Variants in YME1L1 observed in about 807,000 individuals in gnomAD.
The protein encoded by YME1L1 is ATP-dependent zinc metalloprotease YME1L1.
YME1L1 carries 39 observed loss-of-function variants against 90.4 expected under a neutral mutation model. That is an observed-to-expected ratio of 0.43 (90% CI 0.33 to 0.56). The LOEUF (loss-of-function observed/expected upper bound fraction) is 0.56. Among genes scored for constraint, YME1L1 ranks in the 20% least tolerant of loss-of-function variants. The pLI is 0.03. For missense variants in YME1L1, 617 were observed against 868.4 expected, an observed-to-expected ratio of 0.71 and a Z score of 3.64; for synonymous variants, 284 against 287.3, an observed-to-expected ratio of 0.99 and a Z score of 0.12.
chr10:27,131,832 G>C, intron 8 of YME1L1, 27 bp downstream of exon 8: 7 of 1,569,116 alleles, frequency 4.5e-6, no homozygotes, highest in Non-Finnish European at 6.1e-6. Context: ...GATGTATGAA[G>C]AAGGCAAGGC....
chr10:27,116,154 A>C, intron 16 of YME1L1, 21 bp from the exon 17 acceptor site: 1 of 1,613,546 alleles, frequency 6.2e-7, no homozygotes, highest in Non-Finnish European at 8.5e-7. Flanking sequence ...ATAAAAACAT[A>C]CCATTTTAAA....
chr10:27,153,485 A>C (rs1429793337), intron 1 of YME1L1, among the ~76,000 whole-genome samples: 2 of 152,236 alleles, frequency 1.3e-5, no homozygotes, highest in African/African-American at 2.4e-5. Flanking sequence ...CATCAAAAAA[A>C]GAGACTGGAA....
At chr10:27,152,051 G>A (rs1281385420) in intron 1 of YME1L1, among the ~76,000 whole-genome samples, 1 of 151,852 alleles carries the variant, frequency 6.6e-6, no homozygotes, top group Non-Finnish European at 1.5e-5. Flanking sequence ...TTTGTTTTAA[G>A]GCTAGTCAAG....
chr10:27,146,654 G>A (rs920495072), intron 2 of YME1L1: 3 of 152,204 alleles, frequency 2.0e-5, no homozygotes, highest in African/African-American at 7.2e-5. Context: ...AGGAGCTGGA[G>A]GTTGCAGTGA....
At chr10:27,116,615 G>A (rs891609450) in intron 15 of YME1L1, among the ~76,000 whole-genome samples, 1 of 152,124 alleles carries the variant, frequency 6.6e-6, no homozygotes, top group African/African-American at 2.4e-5. Flanking sequence ...GCAGTGAGCT[G>A]AGATCATGCC....
intron 9 of YME1L1, among the ~76,000 whole-genome samples, chr10:27,125,965 C>A (rs919248031): frequency 3.3e-5 from 5 of 152,100 alleles, no homozygotes; most frequent in African/African-American, 4.8e-5. Flanking sequence ...GCGTGAGCCA[C>A]CACACCCAGT....
At chr10:27,142,354 T>C in intron 4 of YME1L1, 33 bp downstream of exon 4, 1 of 1,244,822 alleles carries the variant, frequency 8.0e-7, no homozygotes, top group Non-Finnish European at 1.1e-6. Flanking sequence ...ATAAATATTT[T>C]TTTTTCCACA....
chr10:27,111,660 C>G lies in YME1L1; in HGVS notation c.*317G>C, dbSNP rs1170550209. 1 of 399,948 alleles carries G rather than the reference C, an allele frequency of 2.5e-6. No homozygotes were observed. Among genetic ancestry groups the G allele is most frequent in the African/African-American group, 2.1e-5 (1 of 48,728 alleles). 24.8% of individuals were successfully genotyped at this position (399,948 alleles called of 1,614,324 possible). ...GCTAAAGGCACAATTTTTATCAAAT[C>G]TAGTAGAGTAACCAAACATAAAATC... On this transcript the variant is annotated 3_prime_UTR_variant, in exon 19 of 19. Coordinates refer to ENST00000376016, the MANE Select transcript of YME1L1 (RefSeq NM_014263.4).
chr10:27,142,233 T>A (rs1433935290), intron 4 of YME1L1, among the ~76,000 whole-genome samples, 154 bp downstream of exon 4: 1 of 152,182 alleles, frequency 6.6e-6, no homozygotes, highest in Non-Finnish European at 1.5e-5. Flanking sequence ...AGATTAAAAA[T>A]TATACAGAAG....
Position 27,145,524 on chromosome 10 carries a change from C to G in YME1L1, c.235G>C (p.Glu79Gln). Residue 79 changes from glutamate to glutamine, a missense_variant, in exon 3 of 19, where the codon GAA (glutamate) becomes CAA (glutamine). Glu to Gln is a conservative substitution (Grantham distance 29, BLOSUM62 2). Transcript: ENST00000376016. ...LKIGQIDQLV[E>Q]NLLPGFCKGK... is the part of the protein sequence containing the mutation. ...TTACAAAATCCAGGAAGTAGATTTT[C>G]TACCAGCTGATCAATCTGTCCAATT... 1 of 1,613,586 alleles carries G rather than the reference C, an allele frequency of 6.2e-7. No individual in the cohort carries two copies. The highest frequency in any genetic ancestry group is 8.5e-7 in the Non-Finnish European group (1 of 1,179,672).
intron 7 of YME1L1, among the ~76,000 whole-genome samples, chr10:27,132,602 G>A (rs549458662): frequency 5.9e-5 from 9 of 151,722 alleles, no homozygotes; most frequent in Non-Finnish European, 1.2e-4. Flanking sequence ...CGGGCAGATC[G>A]CAAGGTGAGG....
intron 9 of YME1L1, among the ~76,000 whole-genome samples, chr10:27,124,141 T>A (rs531687365): frequency 6.6e-6 from 1 of 152,164 alleles, no homozygotes; most frequent in African/African-American, 2.4e-5. Flanking sequence ...ATTAAGGAAA[T>A]AGGCATAATT....
chr10:27,153,843 G>A (rs1360764960), intron 1 of YME1L1, among the ~76,000 whole-genome samples: 1 of 152,128 alleles, frequency 6.6e-6, no homozygotes, highest in South Asian at 2.1e-4. Context: ...TTAATGTATG[G>A]TACAGACATT....
chr10:27,119,197 G>C, intron 14 of YME1L1, 97 bp downstream of exon 14: 2 of 1,171,232 alleles, frequency 1.7e-6, no homozygotes, highest in Non-Finnish European at 2.3e-6. Flanking sequence ...ATTCAACATA[G>C]CCATGGCTTT....
rs201208519 is a variant in YME1L1, at chr10:27,134,126, GGA to G, written c.692-6_692-5del. The G allele has an allele frequency of 2.1e-3, 3,318 of 1,606,582 alleles. 103 individuals carry two copies. The East Asian group carries it at 0.063, about 31-fold the overall frequency. ...AGACGGGTTCGCCTTAGGGAATCTA[GGA>G]GAGAAAGAAAAAGCTTTACATGAAA... On this transcript the variant is annotated splice_polypyrimidine_tract_variant and splice_region_variant and intron_variant, in intron 6 of 18. Coordinates refer to ENST00000376016, the MANE Select transcript of YME1L1 (RefSeq NM_014263.4).
intron 13 of YME1L1, among the ~76,000 whole-genome samples, chr10:27,119,677 CAT>C (rs2056846950): frequency 6.6e-6 from 1 of 152,080 alleles, no homozygotes; most frequent in Non-Finnish European, 1.5e-5. Flanking sequence ...GGCATGGTGG[CAT>C]GCACCTGTAA....
rs1341470320 is a variant in YME1L1, at chr10:27,111,473, T to G, written c.*504A>C. 5.4e-6 allele frequency: 1 copy of G among 185,780 alleles called. No individual in the cohort carries two copies. The highest frequency in any genetic ancestry group is 5.8e-5 in the Admixed American group (1 of 17,198). The allele number at this position is 185,780 out of a possible 1,614,324, so 11.5% of individuals were successfully genotyped here. A position where few individuals can be genotyped will look rare whatever the true frequency, so the allele number is the denominator to read the frequency against. On this transcript the variant is annotated 3_prime_UTR_variant, in exon 19 of 19. Coordinates refer to ENST00000376016, the MANE Select transcript of YME1L1 (RefSeq NM_014263.4). ...CCTCCAAAAGTGCTGGGATTACAGA[T>G]GTGAGCCATGGCACCATGCCAAAAG...
At chr10:27,130,864 A>G (rs2056970954) in intron 8 of YME1L1, among the ~76,000 whole-genome samples, 1 of 152,230 alleles carries the variant, frequency 6.6e-6, no homozygotes, top group Non-Finnish European at 1.5e-5. Flanking sequence ...AAAAACAAAA[A>G]CAAAAATCTC....
intron 4 of YME1L1, among the ~76,000 whole-genome samples, chr10:27,137,246 ACTACT>A (rs2057038586): frequency 6.6e-6 from 1 of 152,174 alleles, no homozygotes; most frequent in African/African-American, 2.4e-5. Flanking sequence ...TTCTATAAAA[ACTACT>A]CTAGAAATAG....
Sources: allele counts gnomAD v4.1 joint callset (sites outside exome capture counted in the v4.1 genomes callset), GRCh38; gene constraint gnomAD v4.1.1; transcripts MANE v1.5; gene names NCBI Gene and HGNC (gene_info 2026-07-23, HGNC 2026-07-21).